TLR7: variants seen among roughly 807,000 people sequenced by gnomAD.
TLR7 encodes toll-like receptor 7.
TLR7 carries 12 observed loss-of-function variants against 38.3 expected under a neutral mutation model. That is an observed-to-expected ratio of 0.31 (90% confidence interval 0.20 to 0.51). The LOEUF is 0.51. TLR7 is among the 20% of genes least tolerant of loss of function. TLR7 has a pLI of 0.98. For missense variants in TLR7, 504 were observed against 743.4 expected, an observed-to-expected ratio of 0.68 and a Z score of 3.74; for synonymous variants, 285 against 293.8, an observed-to-expected ratio of 0.97 and a Z score of 0.31.
chrX:12,876,843 A>G (rs2042872385), intron 2 of TLR7, among the ~76,000 whole-genome samples: 1 of 111,651 alleles, frequency 9.0e-6, no homozygotes, highest in Non-Finnish European at 1.9e-5. Context: ...TTCAATACCA[A>G]AGCCAGGCCT....
chrX:12,867,999 A>T lies in TLR7; in HGVS notation c.3+418A>T, dbSNP rs984116665. On this transcript the variant is annotated intron_variant, in intron 2 of 2. Coordinates refer to ENST00000380659, the MANE Select transcript of TLR7 (RefSeq NM_016562.4). ...GTGTGGGCAGGCTCATAGCAATAAAATACGGGAAATCCCCGGGCTTGAGTG... is the reference window on the plus strand; with the variant it reads ...GTGTGGGCAGGCTCATAGCAATAAATTACGGGAAATCCCCGGGCTTGAGTG... 4.4e-5 allele frequency among the ~76,000 whole-genome samples: 5 copies of T among 112,656 alleles called. No individual in the cohort carries two copies. In the Admixed American group the frequency reaches 4.7e-4, roughly 11 times the overall value.
intron 2 of TLR7, among the ~76,000 whole-genome samples, chrX:12,875,822 G>A (rs748593851): frequency 3.6e-4 from 40 of 111,941 alleles, no homozygotes; most frequent in Admixed American, 1.6e-3. Flanking sequence ...ACCCAAACTC[G>A]GATATGTTTT....
chrX:12,888,722 T>C lies in TLR7; in HGVS notation c.*64T>C, dbSNP rs1441014646. On this transcript the variant is annotated 3_prime_UTR_variant, in exon 3 of 3. Coordinates refer to ENST00000380659, the MANE Select transcript of TLR7 (RefSeq NM_016562.4). ...AGAGGCCTGGCTGTTTAAATTGTTTTCATATATATCACACCAAAAGCGTGT... is the reference window on the plus strand; with the variant it reads ...AGAGGCCTGGCTGTTTAAATTGTTTCCATATATATCACACCAAAAGCGTGT... The C allele has an allele frequency of 7.5e-6, 8 of 1,068,260 alleles. No individual in the cohort carries two copies. The highest frequency in any genetic ancestry group is 1.0e-5 in the Non-Finnish European group (8 of 801,107). The allele number at this position is 1,068,260 out of a possible 1,213,427, so 88.0% of individuals were successfully genotyped here.
In TLR7 at chrX:12,872,456, C is replaced by T. The variant is rs745805098; in HGVS notation, c.3+4875C>T. On this transcript the variant is annotated intron_variant, in intron 2 of 2. Coordinates refer to ENST00000380659, the MANE Select transcript of TLR7 (RefSeq NM_016562.4). ...TCAAGTGTCTCTGTCTCCATGTGGT[C>T]TCTCTAATATGGTGGTTGTCGTATA... Among the ~76,000 whole-genome samples the T allele has an allele frequency of 1.1e-4, 12 of 110,852 alleles. No homozygotes were observed. In the South Asian group the frequency reaches 4.7e-3, roughly 43 times the overall value.
At chrX:12,869,773 A>T (rs1022542128) in intron 2 of TLR7, among the ~76,000 whole-genome samples, 1 of 107,555 alleles carries the variant, frequency 9.3e-6, no homozygotes, top group African/African-American at 3.4e-5. Flanking sequence ...TTAAAAAAAC[A>T]AAAGAAGTGA....
At position 12,877,182 on chromosome X, in the gene TLR7, T is replaced by C. The variant is rs187429728; in HGVS notation, c.4-8330T>C. Among the ~76,000 whole-genome samples, 4 of 111,950 alleles carry C rather than the reference T, an allele frequency of 3.6e-5. No individual in the cohort carries two copies. The East Asian group carries it at 1.1e-3, about 31-fold the overall frequency. On this transcript the variant is annotated intron_variant, in intron 2 of 2. Coordinates refer to ENST00000380659, the MANE Select transcript of TLR7 (RefSeq NM_016562.4). ...CTCTAGATGGTCTTTTGGGTATACT[T>C]TCTCTTTAAATAACAGATTTAGAAG...
intron 2 of TLR7, among the ~76,000 whole-genome samples, chrX:12,875,842 C>A: frequency 8.9e-6 from 1 of 112,136 alleles, no homozygotes; most frequent in Admixed American, 9.4e-5. Context: ...TTATTAGCAG[C>A]ATGAGAACAG....
At chrX:12,871,143 T>A (rs991399937) in intron 2 of TLR7, among the ~76,000 whole-genome samples, 1 of 112,009 alleles carries the variant, frequency 8.9e-6, no homozygotes, top group Non-Finnish European at 1.9e-5. Context: ...AAGCAAGTGG[T>A]TTACAACCTT....
Position 12,887,212 on chromosome X carries a change from G to C in TLR7, c.1704G>C (p.Leu568=), listed in dbSNP as rs1483743083. The C allele has an allele frequency of 8.3e-7, 1 of 1,209,456 alleles. No individual in the cohort carries two copies. Among genetic ancestry groups the C allele is most frequent in the Non-Finnish European group, 1.1e-6 (1 of 895,060 alleles). Residue 568 remains leucine (L), a synonymous_variant, in exon 3 of 3, where the codon CTG becomes CTC. Coordinates refer to ENST00000380659, the MANE Select transcript of TLR7 (RefSeq NM_016562.4). ...HSTAFEELHK[L]EVLDISSNSH... ...CAGCATTTGAAGAGCTTCACAAACT[G>C]GAAGTTCTGGATATAAGCAGTAATA...
chrX:12,886,450 C>T lies in TLR7; in HGVS notation c.942C>T (p.Asn314=). The T allele has an allele frequency of 8.3e-7, 1 of 1,212,031 alleles. No individual in the cohort carries two copies. The highest frequency in any genetic ancestry group is 1.1e-6 in the Non-Finnish European group (1 of 895,558). ...CCCCAAGATGGTTTAAGAACATCAA[C>T]AAACTCCAGGAACTGGATCTGTCCC... ...HVPPRWFKNI[N]KLQELDLSQN... The change falls in exon 3 of 3, where the codon AAC becomes AAT. Residue 314 remains asparagine, a synonymous_variant. Transcript: ENST00000380659.
Position 12,888,283 on chromosome X carries a change from T to C in TLR7, c.2775T>C (p.Asn925=), listed in dbSNP as rs2042918403. The C allele has an allele frequency of 8.3e-7, 1 of 1,211,594 alleles. No homozygotes were observed. Among genetic ancestry groups the C allele is most frequent in the Admixed American group, 2.2e-5 (1 of 45,989 alleles). ...AAGACCCAAGAGAGAAACATTTTAA[T>C]TTATGTCTCGAGGAAAGGGACTGGT... ...KLEDPREKHF[N]LCLEERDWLP... is the part of the protein sequence containing the mutation. The change falls in exon 3 of 3, where the codon AAT becomes AAC. Residue 925 remains asparagine, a synonymous_variant. Coordinates refer to ENST00000380659, the MANE Select transcript of TLR7 (RefSeq NM_016562.4).
chrX:12,875,885 T>TA (rs1383764505), intron 2 of TLR7, among the ~76,000 whole-genome samples: 1 of 111,905 alleles, frequency 8.9e-6, no homozygotes, highest in South Asian at 3.7e-4. Flanking sequence ...GCAATTCATT[T>TA]AAAAAATCAT....
rs756192232 is a variant in TLR7 at position 12,888,700 on chromosome X, G to A, written c.*42G>A. ...ACAACTGCCTAGTTTACCAAGGAGA[G>A]GCCTGGCTGTTTAAATTGTTTTCAT... On this transcript the variant is annotated 3_prime_UTR_variant, in exon 3 of 3. Transcript: ENST00000380659. 8.8e-7 allele frequency: 1 copy of A among 1,133,986 alleles called. No individual in the cohort carries two copies. Among genetic ancestry groups the A allele is most frequent in the Non-Finnish European group, 1.2e-6 (1 of 854,822 alleles). 93.5% of individuals were successfully genotyped at this position (1,133,986 alleles called of 1,213,427 possible).
Position 12,871,695 on chromosome X carries a change from G to A in TLR7, c.3+4114G>A, listed in dbSNP as rs897987072. Among the ~76,000 whole-genome samples, 3 of 111,679 alleles carry A rather than the reference G, an allele frequency of 2.7e-5. No homozygotes were observed. The South Asian group carries it at 1.1e-3, about 42-fold the overall frequency. ...TGCTCTGTGATCTTGAAAGTCGCTTGGAGGAACAGCTGAGTGCATGGGGCT... is the reference window on the plus strand; with the variant it reads ...TGCTCTGTGATCTTGAAAGTCGCTTAGAGGAACAGCTGAGTGCATGGGGCT... On this transcript the variant is annotated intron_variant, in intron 2 of 2. Transcript: ENST00000380659.
Position 12,886,557 on chromosome X carries a change from A to G in TLR7, c.1049A>G (p.Asn350Ser), listed in dbSNP as rs1296704444. Reference sequence around the variant, plus strand: ...CTCATCCAATTGGATCTGTCTTTCAATTTTGAACTTCAGGTCTATCGTGCA... The same window carrying G: ...CTCATCCAATTGGATCTGTCTTTCAGTTTTGAACTTCAGGTCTATCGTGCA... ...PSLIQLDLSF[N>S]FELQVYRASM... Residue 350 changes from asparagine to serine, a missense_variant, in exon 3 of 3, where the codon AAT becomes AGT. Transcript: ENST00000380659. 4 of 1,210,159 alleles carry G rather than the reference A, an allele frequency of 3.3e-6. No individual in the cohort carries two copies. Among genetic ancestry groups the G allele is most frequent in the African/African-American group, 1.7e-5 (1 of 57,313 alleles).
intron 2 of TLR7, among the ~76,000 whole-genome samples, chrX:12,879,693 G>A (rs754641858): frequency 3.6e-5 from 4 of 111,951 alleles, no homozygotes; most frequent in African/African-American, 1.3e-4. Context: ...TTAAGGACAT[G>A]TCCCAGAAAC....
Position 12,889,537 on chromosome X carries a change from T to C in TLR7, c.*879T>C, listed in dbSNP as rs5743784. The C allele has an allele frequency of 0.01, 1,141 of 113,630 alleles. 14 individuals are homozygous for C. Among genetic ancestry groups the C allele is most frequent in the African/African-American group, 0.035 (1,078 of 31,075 alleles). 9.4% of individuals were successfully genotyped at this position (113,630 alleles called of 1,213,427 possible). On this transcript the variant is annotated 3_prime_UTR_variant, in exon 3 of 3. Coordinates refer to ENST00000380659, the MANE Select transcript of TLR7 (RefSeq NM_016562.4). ...GCTGCTTCAGTGCTTCCTGCTCTTTTTCCTTGGGCCTGCTTCTGGGTTCCA... is the reference window on the plus strand; with the variant it reads ...GCTGCTTCAGTGCTTCCTGCTCTTTCTCCTTGGGCCTGCTTCTGGGTTCCA...
rs759081118 is a variant in TLR7 at position 12,890,222 on chromosome X, C to CAAT, written c.*1565_*1567dup. The CAAT allele has an allele frequency of 8.9e-6, 1 of 112,930 alleles. No individual in the cohort carries two copies. The highest frequency in any genetic ancestry group is 2.8e-4 in the East Asian group (1 of 3,621). 9.3% of individuals were successfully genotyped at this position (112,930 alleles called of 1,213,427 possible). ...GATGTCGTATTTTCCTCACGTGTGG[C>CAAT]AATGCCAAAGGCTTTACTTTACCTG... On this transcript the variant is annotated 3_prime_UTR_variant, in exon 3 of 3. Coordinates refer to ENST00000380659, the MANE Select transcript of TLR7 (RefSeq NM_016562.4).
At chrX:12,879,066 T>C (rs1251952566) in intron 2 of TLR7, among the ~76,000 whole-genome samples, 1 of 111,983 alleles carries the variant, frequency 8.9e-6, no homozygotes, top group Admixed American at 9.5e-5. Flanking sequence ...GCTTGCAGAA[T>C]GGCTAACTTC....
Sources: gnomAD v4.1 joint callset for allele counts (sites outside exome capture counted in the v4.1 genomes callset) on GRCh38, gnomAD v4.1.1 for gene constraint, MANE v1.5 for transcripts, NCBI Gene and HGNC (gene_info 2026-07-23, HGNC 2026-07-21) for gene names.